Variants in ERVV-2 observed in about 807,000 individuals in gnomAD.
ERVV-2 encodes endogenous retrovirus group V member 2 Env polyprotein.
For synonymous variants in ERVV-2, 105 were observed against 184.6 expected (o/e 0.57, Z 3.49); for missense variants, 291 against 495.1 (o/e 0.59, Z 3.91).
intron 1 of ERVV-2, among the ~76,000 whole-genome samples, chr19:53,046,506 CT>C (rs1019274888): frequency 1.1e-4 from 16 of 152,144 alleles, no homozygotes; most frequent in African/African-American, 3.9e-4. Flanking sequence ...TACTCAGGTC[CT>C]TTTTGCTTTT....
rs2083914852 is a variant in ERVV-2 at position 53,051,663 on chromosome 19, G to A, written c.*804G>A. ...CTGATGTCCTCTCTTTTTAAATAAA[G>A]CTTACTTAACCCTTTAACTCTTTCT... On this transcript the variant is annotated 3_prime_UTR_variant, in exon 2 of 2. Transcript: ENST00000601417. Among the ~76,000 whole-genome samples the A allele has an allele frequency of 6.6e-6, 1 of 152,006 alleles. No homozygotes were observed.
At position 53,048,923 on chromosome 19, in the gene ERVV-2, GA is replaced by G; in HGVS notation, c.-327del. On this transcript the variant is annotated 5_prime_UTR_variant, in exon 2 of 2. The change creates a premature stop within an existing upstream ORF in the 5' untranslated region. Transcript: ENST00000601417. ...ACATCAGTCTCAAGTGAAACTGTGG[GA>G]AGGTCCCGAAGAACCACAGAAGAAC... is the stretch of plus-strand genomic sequence containing the variant. 2.1e-6 allele frequency: 1 copy of G among 486,758 alleles called. No homozygotes were observed. Among genetic ancestry groups the G allele is most frequent in the Non-Finnish European group, 3.7e-6 (1 of 271,998 alleles). 30.2% of individuals were successfully genotyped at this position (486,758 alleles called of 1,614,324 possible). A position where few individuals can be genotyped will look rare whatever the true frequency, so the allele number is the denominator to read the frequency against.
chr19:53,048,043 A>G (rs1443595404), intron 1 of ERVV-2, among the ~76,000 whole-genome samples: 3 of 152,122 alleles, frequency 2.0e-5, no homozygotes, highest in Non-Finnish European at 4.4e-5. Flanking sequence ...CAAAAGAAAA[A>G]GAAAAGGAAA....
chr19:53,049,864 A>G lies in ERVV-2; in HGVS notation c.613A>G (p.Thr205Ala), dbSNP rs746371873. Residue 205 changes from threonine (T) to alanine (A), a missense_variant, in exon 2 of 2, where the codon ACT (threonine) becomes GCT (alanine). By Grantham distance (58) the Thr-to-Ala change is moderately conservative. Transcript: ENST00000601417. ...RVLYSLPKAH[T>A]VPTWPKSTVP... is the part of the protein sequence containing the mutation. ...TCTATATTCGCTTCCCAAGGCACAC[A>G]CTGTCCCCACATGGCCAAAATCTAC... 8 of 1,535,018 alleles carry G rather than the reference A, an allele frequency of 5.2e-6. No individual in the cohort carries two copies. The South Asian group carries it at 9.5e-5, about 18-fold the overall frequency.
chr19:53,050,879 A>G lies in ERVV-2; in HGVS notation c.*20A>G. On this transcript the variant is annotated 3_prime_UTR_variant, in exon 2 of 2. Transcript: ENST00000601417. Reference sequence around the variant, plus strand: ...CTCTGAGACAGAGCAAGAGAGGGAGACCCTGATGACTTCTTCGCCCCATGT... The same window carrying G: ...CTCTGAGACAGAGCAAGAGAGGGAGGCCCTGATGACTTCTTCGCCCCATGT... 6.7e-7 allele frequency: 1 copy of G among 1,491,972 alleles called. No homozygotes were observed. Among genetic ancestry groups the G allele is most frequent in the Non-Finnish European group, 8.9e-7 (1 of 1,128,310 alleles). 92.4% of individuals were successfully genotyped at this position (1,491,972 alleles called of 1,614,324 possible).
chr19:53,048,520 A>G (rs2083899190), intron 1 of ERVV-2, among the ~76,000 whole-genome samples: 1 of 151,824 alleles, frequency 6.6e-6, no homozygotes, highest in Admixed American at 6.6e-5. Context: ...TACTAAAAAT[A>G]CAAAATTAGC....
Position 53,050,512 on chromosome 19 carries a change from A to G in ERVV-2, c.1261A>G (p.Lys421Glu), listed in dbSNP as rs1288948189. Residue 421 changes from lysine to glutamate, a missense_variant, in exon 2 of 2, where the codon AAA becomes GAA. By Grantham distance (56) the Lys-to-Glu change is moderately conservative. Coordinates refer to ENST00000601417, the MANE Select transcript of ERVV-2 (RefSeq NM_001191055.2). ...NNSGAIEEDI[K>E]KIYDEATWLH... The stretch of plus-strand genomic sequence containing the variant: ...CAGTGGGGCGATAGAGGAGGATATA[A>G]AAAAGATCTATGATGAGGCTACGTG... 1.4e-6 allele frequency: 1 copy of G among 729,666 alleles called. No individual in the cohort carries two copies. Among genetic ancestry groups the G allele is most frequent in the South Asian group, 1.5e-5 (1 of 68,076 alleles). The allele number at this position is 729,666 out of a possible 1,614,324, so 45.2% of individuals were successfully genotyped here.
intron 1 of ERVV-2, among the ~76,000 whole-genome samples, chr19:53,046,338 T>G (rs2083891042): frequency 6.6e-6 from 1 of 151,996 alleles, no homozygotes; most frequent in South Asian, 2.1e-4. Context: ...CAAGAATGCC[T>G]CATTCTGTGA....
In ERVV-2 at chr19:53,050,961, G is replaced by A. The variant is rs2083911123; in HGVS notation, c.*102G>A. The A allele has an allele frequency of 1.7e-6, 2 of 1,145,132 alleles. No homozygotes were observed. Among genetic ancestry groups the A allele is most frequent in the East Asian group, 2.6e-5 (1 of 38,712 alleles). The allele number at this position is 1,145,132 out of a possible 1,614,324, so 70.9% of individuals were successfully genotyped here. A position where few individuals can be genotyped will look rare whatever the true frequency, so the allele number is the denominator to read the frequency against. On this transcript the variant is annotated 3_prime_UTR_variant, in exon 2 of 2. Transcript: ENST00000601417. ...GTCCTTACAACCAGAGCTTTTCAGG[G>A]TCTCCATCTCTTGAGGAGGGAAATA...
rs551534286 is a variant in ERVV-2, at chr19:53,048,069, C to T, written c.-385-798C>T. 5.1e-4 allele frequency among the ~76,000 whole-genome samples: 77 copies of T among 152,196 alleles called. No individual in the cohort carries two copies. The South Asian group carries it at 1.0e-2, about 20-fold the overall frequency. On this transcript the variant is annotated intron_variant, in intron 1 of 1. Coordinates refer to ENST00000601417, the MANE Select transcript of ERVV-2 (RefSeq NM_001191055.2). ...GAAAAGGAAAGGAAACAGCCAAGGGCGGTGGCTCACGCCTGTAATCCTAGC... is the reference window on the plus strand; with the variant it reads ...GAAAAGGAAAGGAAACAGCCAAGGGTGGTGGCTCACGCCTGTAATCCTAGC...
rs2083913025 is a variant in ERVV-2, at chr19:53,051,215, CG to C, written c.*358del. 5.9e-6 allele frequency: 1 copy of C among 170,070 alleles called. No individual in the cohort carries two copies. Among genetic ancestry groups the C allele is most frequent in the African/African-American group, 2.6e-5 (1 of 37,782 alleles). 10.5% of individuals were successfully genotyped at this position (170,070 alleles called of 1,614,324 possible). A position where few individuals can be genotyped will look rare whatever the true frequency, so the allele number is the denominator to read the frequency against. On this transcript the variant is annotated 3_prime_UTR_variant, in exon 2 of 2. Transcript: ENST00000601417. The stretch of plus-strand genomic sequence containing the variant: ...AGGCTGGAGTACAATGGTGCGATCT[CG>C]GCTCACTGCACCCTCCACCTCCCAG...
intron 1 of ERVV-2, among the ~76,000 whole-genome samples, chr19:53,046,567 T>G (rs1454946850): frequency 2.6e-5 from 4 of 152,216 alleles, no homozygotes; most frequent in Admixed American, 2.6e-4. Context: ...TTGCTGTTTA[T>G]GTGATCATAT....
Position 53,050,349 on chromosome 19 carries a change from C to G in ERVV-2, c.1098C>G (p.Ser366Arg). The G allele has an allele frequency of 1.4e-6, 1 of 722,476 alleles. No homozygotes were observed. Among genetic ancestry groups the G allele is most frequent in the Non-Finnish European group, 2.5e-6 (1 of 403,744 alleles). The allele number at this position is 722,476 out of a possible 1,614,324, so 44.8% of individuals were successfully genotyped here. Residue 366 changes from serine (S) to arginine (R), a missense_variant, in exon 2 of 2, where the codon AGC becomes AGG. Coordinates refer to ENST00000601417, the MANE Select transcript of ERVV-2 (RefSeq NM_001191055.2). ...ACATAGCTAAGAGTACCAGAGATAGCATCTCTAAACTCAAGGCCTCCATAG... is the reference window on the plus strand; with the variant it reads ...ACATAGCTAAGAGTACCAGAGATAGGATCTCTAAACTCAAGGCCTCCATAG... Reference protein sequence around the residue: ...IDNIAKSTRDSISKLKASIDS... With the variant: ...IDNIAKSTRDRISKLKASIDS...
intron 1 of ERVV-2, among the ~76,000 whole-genome samples, chr19:53,046,112 A>C (rs1206154681): frequency 6.6e-6 from 1 of 152,046 alleles, no homozygotes; most frequent in Non-Finnish European, 1.5e-5. Flanking sequence ...ATATACAAAA[A>C]TTAGCCGGGC....
At chr19:53,047,112 T>C (rs2083894258) in intron 1 of ERVV-2, among the ~76,000 whole-genome samples, 1 of 151,620 alleles carries the variant, frequency 6.6e-6, no homozygotes, top group African/African-American at 2.4e-5. Flanking sequence ...TGAGCTGAGA[T>C]CGTGCCACTG....
At chr19:53,045,314 G>C (rs7256350) in intron 1 of ERVV-2, among the ~76,000 whole-genome samples, 7 of 151,346 alleles carry the variant, frequency 4.6e-5, no homozygotes, top group Admixed American at 6.6e-5. Flanking sequence ...TTTTTTTTGT[G>C]GGGGGGAGGA....
rs777854362 is a variant in ERVV-2 at position 53,051,393 on chromosome 19, G to T, written c.*534G>T. Reference sequence around the variant, plus strand: ...ACTCCTGACTTCAGGTGATTCGCTCGCCTCGGCCTCCTAAAGTGCTGGGAT... The same window carrying T: ...ACTCCTGACTTCAGGTGATTCGCTCTCCTCGGCCTCCTAAAGTGCTGGGAT... On this transcript the variant is annotated 3_prime_UTR_variant, in exon 2 of 2. Transcript: ENST00000601417. Among the ~76,000 whole-genome samples the T allele has an allele frequency of 6.6e-6, 1 of 151,874 alleles. No homozygotes were observed. The highest frequency in any genetic ancestry group is 1.5e-5 in the Non-Finnish European group (1 of 67,978).
At position 53,051,136 on chromosome 19, in the gene ERVV-2, CTTTTTTTTTTTTTTTTT is replaced by C; in HGVS notation, c.*289_*305del. On this transcript the variant is annotated 3_prime_UTR_variant, in exon 2 of 2. Coordinates refer to ENST00000601417, the MANE Select transcript of ERVV-2 (RefSeq NM_001191055.2). ...TAACCCATCCTAGAACAGCCTTTTG[CTTTTTTTTTTTTTTTTT>C]TTTTTTTTTTTGAGACAAGTTCTTG... The C allele has an allele frequency of 9.2e-6, 1 of 109,196 alleles. No individual in the cohort carries two copies. The highest frequency in any genetic ancestry group is 1.6e-5 in the Non-Finnish European group (1 of 63,686). The allele number at this position is 109,196 out of a possible 1,614,324, so 6.8% of individuals were successfully genotyped here.
chr19:53,045,342 G>A (rs951274601), intron 1 of ERVV-2, among the ~76,000 whole-genome samples: 4 of 151,776 alleles, frequency 2.6e-5, no homozygotes, highest in South Asian at 4.2e-4. Context: ...TCACTCTGTC[G>A]CCCAGGCTGG....
Sources: allele counts gnomAD v4.1 joint callset (sites outside exome capture counted in the v4.1 genomes callset), GRCh38; gene constraint gnomAD v4.1.1; transcripts MANE v1.5; gene names NCBI Gene and HGNC (gene_info 2026-07-23, HGNC 2026-07-21).